Variants in ARHGAP10 observed in about 807,000 individuals in gnomAD.
ARHGAP10 encodes rho GTPase-activating protein 10.
Under a neutral mutation model 108.6 loss-of-function variants are expected in ARHGAP10, and 87 were observed. The observed-to-expected ratio is 0.80, with a 90% confidence interval of 0.67 to 0.96. The LOEUF is 0.96. Among genes scored for constraint, ARHGAP10 ranks in the 40% least tolerant of loss-of-function variants. The pLI is 0.00. For synonymous variants in ARHGAP10, 347 were observed against 341.1 expected, an observed-to-expected ratio of 1.02 and a Z score of -0.19; for missense variants, 939 against 954.5, an observed-to-expected ratio of 0.98 and a Z score of 0.21.
intron 15 of ARHGAP10, among the ~76,000 whole-genome samples, chr4:147,950,967 A>G (rs576552796): frequency 1.3e-5 from 2 of 152,108 alleles, no homozygotes; most frequent in African/African-American, 4.8e-5. Context: ...TATATCCCCC[A>G]ACAGATCCCA....
intron 1 of ARHGAP10, among the ~76,000 whole-genome samples, chr4:147,759,162 A>G (rs1022207979): frequency 3.9e-5 from 6 of 152,206 alleles, no homozygotes; most frequent in African/African-American, 1.4e-4. Context: ...AACTATTGTA[A>G]TAAAATAGTG....
intron 20 of ARHGAP10, among the ~76,000 whole-genome samples, chr4:148,053,595 C>T (rs1729236831): frequency 6.6e-6 from 1 of 152,152 alleles, no homozygotes; most frequent in Non-Finnish European, 1.5e-5. Flanking sequence ...TGTCTCCCTT[C>T]AGCTTCAGAA....
intron 13 of ARHGAP10, among the ~76,000 whole-genome samples, chr4:147,923,588 A>G (rs1246266026): frequency 6.6e-6 from 1 of 152,226 alleles, no homozygotes; most frequent in East Asian, 1.9e-4. Context: ...GCTGTCAGTT[A>G]TCAAATTCAG....
Position 147,822,938 on chromosome 4 carries a change from A to G in ARHGAP10, c.293A>G (p.Glu98Gly). The change falls in exon 3 of 23, where the codon GAG becomes GGG. Residue 98 changes from glutamate (E) to glycine (G), a missense_variant. Glu to Gly is a moderately conservative substitution (Grantham distance 98, BLOSUM62 -2). Coordinates refer to ENST00000336498, the MANE Select transcript of ARHGAP10 (RefSeq NM_024605.4). ...REFSNFLKNL[E>G]EQREIMALSV... is the part of the protein sequence containing the mutation. ...TTTTCAAATTTTTTGAAGAATCTGG[A>G]GGAACAGAGAGAAATTATGGTGAGT... The G allele has an allele frequency of 6.2e-7, 1 of 1,613,684 alleles. No homozygotes were observed. The highest frequency in any genetic ancestry group is 8.5e-7 in the Non-Finnish European group (1 of 1,179,584).
At chr4:147,932,770 C>G (rs890205712) in intron 13 of ARHGAP10, among the ~76,000 whole-genome samples, 1 of 152,052 alleles carries the variant, frequency 6.6e-6, no homozygotes, top group African/African-American at 2.4e-5. Context: ...ACTTATGTAA[C>G]CTGTACATCC....
At chr4:147,803,864 T>G (rs1731675075) in intron 1 of ARHGAP10, among the ~76,000 whole-genome samples, 1 of 152,222 alleles carries the variant, frequency 6.6e-6, no homozygotes. Context: ...TAATTCTATG[T>G]TTTGGCTGTT....
At chr4:148,001,560 T>C (rs113207545) in intron 18 of ARHGAP10, among the ~76,000 whole-genome samples, 1 of 151,972 alleles carries the variant, frequency 6.6e-6, no homozygotes, top group African/African-American at 2.4e-5. Flanking sequence ...GGAATGTTCT[T>C]CCATTTGTTT....
chr4:147,933,239 A>C (rs1163554339), intron 13 of ARHGAP10, among the ~76,000 whole-genome samples: 2 of 152,006 alleles, frequency 1.3e-5, no homozygotes, highest in African/African-American at 4.8e-5. Context: ...TTTTTTAGGG[A>C]CAAGGTTTTG....
chr4:147,800,838 G>T (rs182659595), intron 1 of ARHGAP10, among the ~76,000 whole-genome samples: 4 of 151,990 alleles, frequency 2.6e-5, no homozygotes, highest in Non-Finnish European at 5.9e-5. Flanking sequence ...TTGACACAGC[G>T]TCTTACTCTG....
chr4:147,949,350 T>C (rs760539493), intron 15 of ARHGAP10, among the ~76,000 whole-genome samples: 81 of 152,336 alleles, frequency 5.3e-4, no homozygotes, highest in Middle Eastern at 6.8e-3. Context: ...TAGGCATCTT[T>C]TAAGTCTTGT....
chr4:147,837,643 G>GTTTTTTTTTTTTTTTTTTTTTTTT lies in ARHGAP10; in HGVS notation c.313-9489_313-9488insTTTTTTTTTTTTTTTTTTTTTTTT, dbSNP rs59933316. Among the ~76,000 whole-genome samples, 22 of 70,234 alleles carry GTTTTTTTTTTTTTTTTTTTTTTTT rather than the reference G, an allele frequency of 3.1e-4. 1 individual carries two copies. Among genetic ancestry groups the GTTTTTTTTTTTTTTTTTTTTTTTT allele is most frequent in the Non-Finnish European group, 4.2e-4 (14 of 32,954 alleles). The allele number at this position is 70,234 out of a possible 152,430, so 46.1% of individuals were successfully genotyped here. ...CACCTCGCTAGAATCTCTGGTCACT[G>GTTTTTTTTTTTTTTTTTTTTTTTT]TTTTTTTTTTTTTTTTTTTAAAGCA... On this transcript the variant is annotated intron_variant, in intron 3 of 22. Coordinates refer to ENST00000336498, the MANE Select transcript of ARHGAP10 (RefSeq NM_024605.4).
chr4:147,875,260 T>C, intron 8 of ARHGAP10, 110 bp downstream of exon 8: 2 of 1,218,126 alleles, frequency 1.6e-6, no homozygotes, highest in Non-Finnish European at 2.2e-6. Context: ...TCCTACCTCT[T>C]TCTCTCCCTG....
At chr4:147,740,569 T>G (rs1046474310) in intron 1 of ARHGAP10, among the ~76,000 whole-genome samples, 2 of 152,192 alleles carry the variant, frequency 1.3e-5, no homozygotes, top group East Asian at 1.9e-4. Flanking sequence ...GGGGCCATTA[T>G]TATAATTTAA....
chr4:148,019,845 G>A (rs572422823), intron 18 of ARHGAP10, among the ~76,000 whole-genome samples: 5 of 152,156 alleles, frequency 3.3e-5, no homozygotes, highest in African/African-American at 1.2e-4. Context: ...CCAGGATAGT[G>A]CTGTCTCAGA....
intron 1 of ARHGAP10, among the ~76,000 whole-genome samples, chr4:147,743,235 A>G (rs1412905967): frequency 6.6e-6 from 1 of 151,898 alleles, no homozygotes; most frequent in African/African-American, 2.4e-5. Flanking sequence ...GGGTTTCACC[A>G]TGTTGACCAG....
chr4:147,823,050 T>A, intron 3 of ARHGAP10, 93 bp downstream of exon 3: 1 of 1,291,742 alleles, frequency 7.7e-7, no homozygotes, highest in Non-Finnish European at 1.1e-6. Flanking sequence ...TTGTGAAGCA[T>A]TTATCCCTGG....
At chr4:147,952,102 C>G (rs543847560) in intron 15 of ARHGAP10, among the ~76,000 whole-genome samples, 1 of 152,312 alleles carries the variant, frequency 6.6e-6, no homozygotes, top group East Asian at 1.9e-4. Context: ...TTCCATCTCA[C>G]TGCTAACTAA....
chr4:147,738,869 G>A (rs1033175894), intron 1 of ARHGAP10, among the ~76,000 whole-genome samples: 2 of 152,010 alleles, frequency 1.3e-5, no homozygotes, highest in African/African-American at 2.4e-5. Flanking sequence ...ATTGTAGTTC[G>A]GGATGCTGGA....
intron 1 of ARHGAP10, among the ~76,000 whole-genome samples, chr4:147,789,710 G>T (rs1056828001): frequency 3.3e-5 from 5 of 152,196 alleles, no homozygotes; most frequent in African/African-American, 1.2e-4. Flanking sequence ...TAACTGGCCT[G>T]CCCAGTGCAC....
Sources: allele counts gnomAD v4.1 joint callset (sites outside exome capture counted in the v4.1 genomes callset), GRCh38; gene constraint gnomAD v4.1.1; transcripts MANE v1.5; gene names NCBI Gene and HGNC (gene_info 2026-07-23, HGNC 2026-07-21).